The following DNAJB1 variants were observed in gnomAD, a reference collection of about 807,000 sequenced individuals.
The protein encoded by DNAJB1 is DnaJ heat shock protein family (Hsp40) member B1, also known as dnaJ homolog subfamily B member 1.
A neutral mutation model predicts 24.0 loss-of-function variants in DNAJB1; 14 were observed. That is an observed-to-expected ratio of 0.58 (90% confidence interval 0.39 to 0.91). The LOEUF (loss-of-function observed/expected upper bound fraction) is 0.91, where lower values mean the gene tolerates loss of function less well. Ranked by LOEUF, DNAJB1 falls within the 40% of genes least tolerant of loss-of-function variation. DNAJB1 has a pLI of 0.00. For synonymous variants in DNAJB1, 262 were observed against 174.4 expected (o/e 1.50, Z -3.96); for missense variants, 517 against 458.1 (o/e 1.13, Z -1.17).
chr19:14,538,870 C>T (rs1014047263), intron 1 of DNAJB1, among the ~76,000 whole-genome samples: 4 of 151,774 alleles, frequency 2.6e-5, no homozygotes, highest in Non-Finnish European at 5.9e-5. Context: ...GTCCACCAGG[C>T]GCCAGGAGAC....
At chr19:14,534,280 A>C (rs2072782117), upstream of DNAJB1, among the ~76,000 whole-genome samples, 2 of 142,752 alleles carry the variant, frequency 1.4e-5, no homozygotes, top group African/African-American at 5.0e-5. Context: ...GCCTGCCACC[A>C]TGCCTGGCTA....
At chr19:14,534,107 C>T (rs1461413623), upstream of DNAJB1, 2 of 151,932 alleles carry the variant, frequency 1.3e-5, no homozygotes, top group African/African-American at 4.8e-5. Context: ...TCCCCCATAA[C>T]CCACATTTAG....
At chr19:14,537,022 T>G (rs1323419372) in intron 1 of DNAJB1, among the ~76,000 whole-genome samples, 131 of 53,172 alleles carry the variant, frequency 2.5e-3, no homozygotes, top group African/African-American at 2.9e-3. Flanking sequence ...CGGGGAGGGG[T>G]GTCGAGGAGG....
intron 2 of DNAJB1, 129 bp from the exon 3 acceptor site, chr19:14,516,299 G>C: frequency 1.6e-6 from 2 of 1,277,832 alleles, no homozygotes; most frequent in Non-Finnish European, 2.2e-6. Flanking sequence ...AAATCTACAC[G>C]TCCCCACCAC....
At chr19:14,546,032 C>A (rs566297682) in intron 1 of DNAJB1, 1 of 152,154 alleles carries the variant, frequency 6.6e-6, no homozygotes, top group Non-Finnish European at 1.5e-5. Context: ...GGCTGGGTCA[C>A]GCCCGCCATG....
chr19:14,529,466 C>T, upstream of DNAJB1: 1 of 659,134 alleles, frequency 1.5e-6, no homozygotes, highest in Non-Finnish European at 2.8e-6. Flanking sequence ...ATTGGTCAAT[C>T]CCCTGGTGCT....
At position 14,516,565 on chromosome 19, in the gene DNAJB1, A is replaced by G. The variant is rs761197816; in HGVS notation, c.693T>C (p.Ile231=). The change falls in exon 2 of 3, where the codon ATT becomes ATC. Residue 231 remains isoleucine, a synonymous_variant. Transcript: ENST00000254322. ...PKEGDQTSNN[I]PADIVFVLKD... ...TTAAAACAAAGACGATATCAGCTGG[A>G]ATGTTGTTGGAGGTCTGGTCTCCTT... 6.2e-6 allele frequency: 10 copies of G among 1,614,010 alleles called. No individual in the cohort carries two copies. The African/African-American group carries it at 1.3e-4, about 22-fold the overall frequency.
At chr19:14,550,362 A>C (rs2073455167), upstream of DNAJB1, among the ~76,000 whole-genome samples, 1 of 152,104 alleles carries the variant, frequency 6.6e-6, no homozygotes, top group Non-Finnish European at 1.5e-5. Flanking sequence ...TGGCAAGCTG[A>C]GCTCATGGGG....
rs73927056 is a variant in DNAJB1, at chr19:14,548,291, A to G, written c.-214+1917T>C. 1.2e-3 allele frequency among the ~76,000 whole-genome samples: 178 copies of G among 152,064 alleles called. 1 individual carries two copies. Among genetic ancestry groups the G allele is most frequent in the African/African-American group, 3.9e-3 (162 of 41,498 alleles). On this transcript the variant is annotated intron_variant, in intron 1 of 3. Transcript: ENST00000676982. ...GGGCATTTCAAACTTTACATGTCCA[A>G]AATGGAGCTTCTGATTTTTCCTCTT...
chr19:14,517,136 G>C, intron 1 of DNAJB1, 90 bp from the exon 2 acceptor site: 2 of 1,390,814 alleles, frequency 1.4e-6, no homozygotes, highest in Non-Finnish European at 1.9e-6. Flanking sequence ...TGGAAGCCAT[G>C]GGGGAGGAAC....
At chr19:14,556,413 A>ACAAAAACAAAAAC (rs1555735955) in intron 1 of DNAJB1, among the ~76,000 whole-genome samples, 1 of 86,514 alleles carries the variant, frequency 1.2e-5, no homozygotes, top group African/African-American at 3.1e-5. Context: ...TCTCTCAAAA[A>ACAAAAACAAAAAC]AAAAACAAAA....
At chr19:14,544,156 G>A (rs1265271551) in intron 1 of DNAJB1, among the ~76,000 whole-genome samples, 1 of 151,952 alleles carries the variant, frequency 6.6e-6, no homozygotes, top group Non-Finnish European at 1.5e-5. Context: ...TGGCTGTGTG[G>A]TCTTGGTCTG....
rs780967565 is a variant in DNAJB1 at position 14,516,823 on chromosome 19, G to C, written c.435C>G (p.Asn145Lys). The C allele has an allele frequency of 1.9e-6, 3 of 1,613,856 alleles. No homozygotes were observed. Among genetic ancestry groups the C allele is most frequent in the Admixed American group, 1.7e-5 (1 of 60,024 alleles). Residue 145 changes from asparagine (N) to lysine (K), a missense_variant, in exon 2 of 3, where the codon AAC becomes AAG. Transcript: ENST00000254322. ...CTTGGGCAGAGCGGGAGCGGCCAAA[G>C]TTCACGTTGGTGAAGCCACCCATGC... ...PMGMGGFTNV[N>K]FGRSRSAQEP...
rs891936896 is a variant in DNAJB1 at position 14,518,340 on chromosome 19, C to T, written c.10G>A (p.Asp4Asn). The T allele has an allele frequency of 6.3e-7, 1 of 1,576,102 alleles. No homozygotes were observed. Among genetic ancestry groups the T allele is most frequent in the Non-Finnish European group, 8.6e-7 (1 of 1,168,568 alleles). The change falls in exon 1 of 3, where the codon GAC becomes AAC. Residue 4 changes from aspartate to asparagine, a missense_variant. Asp to Asn is a conservative substitution (Grantham distance 23). Transcript: ENST00000254322. MGK[D>N]YYQTLGLARG... Reference sequence around the variant, plus strand: ...GCCAGGCCCAACGTCTGGTAGTAGTCTTTACCCATGACCCCCTCCTGCGGC... The same window carrying T: ...GCCAGGCCCAACGTCTGGTAGTAGTTTTTACCCATGACCCCCTCCTGCGGC...
chr19:14,541,510 C>G (rs892086542), intron 1 of DNAJB1, among the ~76,000 whole-genome samples: 3 of 152,230 alleles, frequency 2.0e-5, no homozygotes, highest in African/African-American at 7.2e-5. Flanking sequence ...TTCATTAGTT[C>G]ATTTGTTCCA....
chr19:14,516,657 C>A lies in DNAJB1; in HGVS notation c.601G>T (p.Asp201Tyr), dbSNP rs202063146. 2 of 1,614,196 alleles carry A rather than the reference C, an allele frequency of 1.2e-6. No individual in the cohort carries two copies. Among genetic ancestry groups the A allele is most frequent in the Admixed American group, 3.3e-5 (2 of 60,026 alleles). ...NPDGKSIRNE[D>Y]KILTIEVKKG... ...TTCACTTCGATGGTCAATATTTTGT[C>A]TTCGTTTCGAATGCTCTTTCCGTCG... Residue 201 changes from aspartate to tyrosine, a missense_variant, in exon 2 of 3, where the codon GAC becomes TAC. Asp to Tyr is a radical substitution (Grantham distance 160). Transcript: ENST00000254322.
At chr19:14,549,048 A>G (rs917222681) in intron 1 of DNAJB1, among the ~76,000 whole-genome samples, 1 of 151,996 alleles carries the variant, frequency 6.6e-6, no homozygotes, top group Non-Finnish European at 1.5e-5. Flanking sequence ...AAAAGGTAAA[A>G]ACGTCATGTA....
At chr19:14,523,304 A>G (rs1837888894), upstream of DNAJB1, among the ~76,000 whole-genome samples, 1 of 152,086 alleles carries the variant, frequency 6.6e-6, no homozygotes, top group Non-Finnish European at 1.5e-5. Flanking sequence ...GGAAATGAAC[A>G]TTATAATAAC....
At chr19:14,544,983 C>T (rs2073250237) in intron 1 of DNAJB1, 2 of 414,316 alleles carry the variant, frequency 4.8e-6, no homozygotes, top group South Asian at 1.7e-5. Flanking sequence ...ACTGCGGTGT[C>T]CTTTTCACTC....
Sources: allele counts gnomAD v4.1 joint callset (sites outside exome capture counted in the v4.1 genomes callset), GRCh38; gene constraint gnomAD v4.1.1; transcripts MANE v1.5; gene names NCBI Gene and HGNC (gene_info 2026-07-23, HGNC 2026-07-21).